The following FAM169A variants were observed in gnomAD, a reference collection of about 807,000 sequenced individuals.
The protein encoded by FAM169A is family with sequence similarity 169 member A.
Under a neutral mutation model 75.7 loss-of-function variants are expected in FAM169A, and 24 were observed. The observed-to-expected ratio is 0.32, with a 90% CI of 0.23 to 0.45. The LOEUF (loss-of-function observed/expected upper bound fraction) is 0.45, where lower values mean the gene tolerates loss of function less well. Among genes scored for constraint, FAM169A ranks in the 20% least tolerant of loss-of-function variants. The pLI is 1.00. For synonymous variants in FAM169A, 271 were observed against 271.0 expected (o/e 1.00, Z 0.00); for missense variants, 673 against 784.0 (o/e 0.86, Z 1.69).
intron 1 of FAM169A, among the ~76,000 whole-genome samples, chr5:74,853,085 A>C (rs1749525059): frequency 6.6e-6 from 1 of 152,224 alleles, no homozygotes. Flanking sequence ...GTAAAAAGTG[A>C]GGATGAGCCA....
chr5:74,790,055 C>T (rs1393384131), intron 11 of FAM169A, among the ~76,000 whole-genome samples: 2 of 152,174 alleles, frequency 1.3e-5, no homozygotes, highest in Non-Finnish European at 2.9e-5. Flanking sequence ...TATATGTGAT[C>T]GGGCTTGAGC....
chr5:74,796,529 C>T (rs1046287020), intron 10 of FAM169A, among the ~76,000 whole-genome samples: 4 of 152,016 alleles, frequency 2.6e-5, no homozygotes, highest in African/African-American at 7.2e-5. Flanking sequence ...CCTCAGCCCC[C>T]GAGCAGCTGA....
At chr5:74,815,363 T>C (rs934546407) in intron 5 of FAM169A, among the ~76,000 whole-genome samples, 13 of 151,962 alleles carry the variant, frequency 8.6e-5, no homozygotes, top group African/African-American at 3.1e-4. Flanking sequence ...CTAATTTTTA[T>C]ATTTTTAGTA....
intron 5 of FAM169A, among the ~76,000 whole-genome samples, chr5:74,822,189 C>G (rs1747798094): frequency 6.6e-6 from 1 of 152,222 alleles, no homozygotes; most frequent in Non-Finnish European, 1.5e-5. Flanking sequence ...ACCAGGGCCA[C>G]CAAGTTCCTT....
At chr5:74,785,916 G>C (rs1181105208) in intron 11 of FAM169A, among the ~76,000 whole-genome samples, 1 of 152,306 alleles carries the variant, frequency 6.6e-6, no homozygotes, top group African/African-American at 2.4e-5. Flanking sequence ...CAACTTGATT[G>C]GATTGAAGGA....
chr5:74,794,274 C>CA (rs1746138677), intron 11 of FAM169A, among the ~76,000 whole-genome samples: 1 of 142,166 alleles, frequency 7.0e-6, no homozygotes, highest in Non-Finnish European at 1.5e-5. Context: ...GGCACCTGTA[C>CA]TCCCAGCTAC....
In FAM169A at chr5:74,778,069, A is replaced by G. The variant is rs1745210757; in HGVS notation, c.*3391T>C. The G allele has an allele frequency of 6.6e-6, 1 of 152,122 alleles. No individual in the cohort carries two copies. The highest frequency in any genetic ancestry group is 1.5e-5 in the Non-Finnish European group (1 of 67,928). The allele number at this position is 152,122 out of a possible 1,614,324, so 9.4% of individuals were successfully genotyped here. The stretch of plus-strand genomic sequence containing the variant: ...CACAAGTTCTAGAAGGCGAATAAAA[A>G]TACTGACTCCAGGTAATTTCTGGAT... On this transcript the variant is annotated 3_prime_UTR_variant, in exon 13 of 13. Coordinates refer to ENST00000687041, the MANE Select transcript of FAM169A (RefSeq NM_001376049.1).
intron 5 of FAM169A, among the ~76,000 whole-genome samples, chr5:74,822,429 T>A (rs1255889489): frequency 6.6e-6 from 1 of 152,142 alleles, no homozygotes; most frequent in Admixed American, 6.5e-5. Context: ...CCACAAATAT[T>A]TTATGGACAG....
intron 1 of FAM169A, among the ~76,000 whole-genome samples, chr5:74,844,330 T>C (rs1749035700): frequency 6.6e-6 from 1 of 151,728 alleles, no homozygotes; most frequent in Non-Finnish European, 1.5e-5. Flanking sequence ...GGTATGGTGG[T>C]ATGCACCTGT....
At chr5:74,850,979 C>T (rs918908415) in intron 1 of FAM169A, among the ~76,000 whole-genome samples, 2 of 152,140 alleles carry the variant, frequency 1.3e-5, no homozygotes, top group Admixed American at 6.6e-5. Context: ...TGCAGTGGCA[C>T]GAACATAGCT....
chr5:74,853,980 T>C (rs1749579099), intron 1 of FAM169A, among the ~76,000 whole-genome samples: 1 of 151,978 alleles, frequency 6.6e-6, no homozygotes, highest in East Asian at 1.9e-4. Context: ...TGAAGTAAAA[T>C]GCCTACCCAA....
intron 5 of FAM169A, among the ~76,000 whole-genome samples, chr5:74,825,733 C>G (rs1199587301): frequency 6.6e-6 from 1 of 152,154 alleles, no homozygotes; most frequent in African/African-American, 2.4e-5. Context: ...AGGCATTATT[C>G]CACTTCTAGT....
chr5:74,778,240 AAACATTTTTCAAAATACTGT>A lies in FAM169A; in HGVS notation c.*3200_*3219del. 1 of 152,202 alleles carries A rather than the reference AAACATTTTTCAAAATACTGT, an allele frequency of 6.6e-6. No individual in the cohort carries two copies. The highest frequency in any genetic ancestry group is 6.5e-5 in the Admixed American group (1 of 15,302). The allele number at this position is 152,202 out of a possible 1,614,324, so 9.4% of individuals were successfully genotyped here. On this transcript the variant is annotated 3_prime_UTR_variant, in exon 13 of 13. Coordinates refer to ENST00000687041, the MANE Select transcript of FAM169A (RefSeq NM_001376049.1). ...ATGAAAGACGACTAGATGACACCTG[AAACATTTTTCAAAATACTGT>A]AACACAGATGAGTAATATTAGTATA...
intron 11 of FAM169A, among the ~76,000 whole-genome samples, chr5:74,790,790 G>A (rs1000714116): frequency 6.6e-6 from 1 of 152,200 alleles, no homozygotes. Context: ...CAACTTGCCA[G>A]CAGCACAGAC....
chr5:74,837,428 A>C (rs1475533133), intron 4 of FAM169A, among the ~76,000 whole-genome samples: 1 of 152,194 alleles, frequency 6.6e-6, no homozygotes, highest in Non-Finnish European at 1.5e-5. Flanking sequence ...GGGAATCTTA[A>C]GGCACACTGA....
At chr5:74,849,414 A>C (rs1749325310) in intron 1 of FAM169A, among the ~76,000 whole-genome samples, 1 of 152,104 alleles carries the variant, frequency 6.6e-6, no homozygotes, top group African/African-American at 2.4e-5. Context: ...TGATTCTTAC[A>C]GGTTACTGCT....
At position 74,835,601 on chromosome 5, in the gene FAM169A, CAAAAAAAAA is replaced by C. The variant is rs35800429; in HGVS notation, c.319-1013_319-1005del. Among the ~76,000 whole-genome samples, 256 of 59,174 alleles carry C rather than the reference CAAAAAAAAA, an allele frequency of 4.3e-3. 1 individual carries two copies. Among genetic ancestry groups the C allele is most frequent in the African/African-American group, 0.014 (248 of 17,406 alleles). 38.8% of individuals were successfully genotyped at this position (59,174 alleles called of 152,430 possible). On this transcript the variant is annotated intron_variant, in intron 4 of 12. Coordinates refer to ENST00000687041, the MANE Select transcript of FAM169A (RefSeq NM_001376049.1). ...TGGGCGACAGAGTGAGACTGTGTCT[CAAAAAAAAA>C]AAAAAAAAAAAAAAAATCTGTACAT...
chr5:74,813,243 T>C (rs1747299014), intron 6 of FAM169A, among the ~76,000 whole-genome samples: 1 of 152,176 alleles, frequency 6.6e-6, no homozygotes, highest in South Asian at 2.1e-4. Context: ...CTGGCTATGA[T>C]TGAACAACTA....
intron 11 of FAM169A, among the ~76,000 whole-genome samples, chr5:74,789,266 A>G (rs1302113262): frequency 1.3e-5 from 2 of 152,242 alleles, no homozygotes; most frequent in Non-Finnish European, 2.9e-5. Context: ...AGACATTTGC[A>G]TGCCAGAGGA....
Sources: allele counts gnomAD v4.1 joint callset (sites outside exome capture counted in the v4.1 genomes callset), GRCh38; gene constraint gnomAD v4.1.1; transcripts MANE v1.5; gene names NCBI Gene and HGNC (gene_info 2026-07-23, HGNC 2026-07-21).